Variants in CDH12 observed in about 807,000 individuals in gnomAD.
CDH12 encodes cadherin-12.
A neutral mutation model predicts 74.1 loss-of-function variants in CDH12; 41 were observed. The observed-to-expected ratio is 0.55, with a 90% CI of 0.43 to 0.72. The LOEUF is 0.72. Ranked by LOEUF, CDH12 falls within the 30% of genes least tolerant of loss-of-function variation. The pLI is 0.00. For synonymous variants in CDH12, 399 were observed against 355.0 expected, an observed-to-expected ratio of 1.12 and a Z score of -1.39; for missense variants, 945 against 977.2, an observed-to-expected ratio of 0.97 and a Z score of 0.44.
intron 6 of CDH12, among the ~76,000 whole-genome samples, chr5:21,917,329 G>A (rs1191899347): frequency 6.6e-6 from 1 of 152,178 alleles, no homozygotes; most frequent in Non-Finnish European, 1.5e-5. Flanking sequence ...GGGATGTCAT[G>A]TTTAGGGTGT....
chr5:21,873,595 T>C (rs966054593), intron 6 of CDH12, among the ~76,000 whole-genome samples: 1 of 152,156 alleles, frequency 6.6e-6, no homozygotes, highest in East Asian at 2.0e-4. Flanking sequence ...TTTGAAACCA[T>C]AAATCCTCTT....
chr5:22,126,069 T>A (rs1343760896), intron 4 of CDH12, among the ~76,000 whole-genome samples: 14 of 152,020 alleles, frequency 9.2e-5, no homozygotes, highest in African/African-American at 2.9e-4. Flanking sequence ...ATTAACTTTT[T>A]GTGTAAAACA....
chr5:22,065,366 G>A (rs1741481567), intron 5 of CDH12, among the ~76,000 whole-genome samples: 2 of 152,198 alleles, frequency 1.3e-5, no homozygotes, highest in African/African-American at 4.8e-5. Context: ...CACAAAGTTA[G>A]ATTGGCGGAA....
chr5:22,068,622 T>G (rs915959804), intron 5 of CDH12, among the ~76,000 whole-genome samples: 1 of 152,162 alleles, frequency 6.6e-6, no homozygotes, highest in Non-Finnish European at 1.5e-5. Flanking sequence ...GACAAAGAGT[T>G]CTGGGGAAGA....
chr5:22,276,107 T>A (rs1048159332), intron 3 of CDH12, among the ~76,000 whole-genome samples: 2 of 152,216 alleles, frequency 1.3e-5, no homozygotes, highest in Non-Finnish European at 2.9e-5. Flanking sequence ...ATTATATAGT[T>A]AATTGATGCC....
At chr5:22,105,220 T>C (rs890516234) in intron 4 of CDH12, among the ~76,000 whole-genome samples, 5 of 151,698 alleles carry the variant, frequency 3.3e-5, no homozygotes, top group Non-Finnish European at 7.4e-5. Context: ...GCCTCCCGAG[T>C]AACTGGGATT....
Position 21,928,682 on chromosome 5 carries a change from T to C in CDH12, c.526+46409A>G, listed in dbSNP as rs1197889043. Reference sequence around the variant, plus strand: ...TTTTTTTTTAATTTTGTATTTTTTGTATACTAGTTATTAATTGAGCTTTGC... The same window carrying C: ...TTTTTTTTTAATTTTGTATTTTTTGCATACTAGTTATTAATTGAGCTTTGC... On this transcript the variant is annotated intron_variant, in intron 6 of 14. Coordinates refer to ENST00000382254, the MANE Select transcript of CDH12 (RefSeq NM_004061.5). 2.0e-5 allele frequency among the ~76,000 whole-genome samples: 3 copies of C among 152,202 alleles called. No individual in the cohort carries two copies. In the East Asian group the frequency reaches 5.8e-4, roughly 29 times the overall value.
intron 3 of CDH12, among the ~76,000 whole-genome samples, chr5:22,382,089 T>C (rs1741780389): frequency 6.8e-6 from 1 of 146,630 alleles, no homozygotes; most frequent in Non-Finnish European, 1.5e-5. Flanking sequence ...AATAGAAATA[T>C]GATATAAAAT....
intron 3 of CDH12, among the ~76,000 whole-genome samples, chr5:22,234,955 T>A (rs1479291138): frequency 6.6e-6 from 1 of 152,082 alleles, no homozygotes. Context: ...CACAATTCAA[T>A]TAAAAACCTG....
At chr5:22,183,234 T>C (rs1749743450) in intron 4 of CDH12, among the ~76,000 whole-genome samples, 1 of 150,800 alleles carries the variant, frequency 6.6e-6, no homozygotes, top group South Asian at 2.1e-4. Context: ...GTGAGAGACA[T>C]TCAAGGAGAG....
chr5:22,146,836 A>G (rs1351695921), intron 4 of CDH12, among the ~76,000 whole-genome samples: 3 of 152,126 alleles, frequency 2.0e-5, no homozygotes, highest in African/African-American at 7.2e-5. Context: ...CAGTTATATC[A>G]ACTTTACTTT....
intron 1 of CDH12, among the ~76,000 whole-genome samples, chr5:22,833,267 C>T (rs1290456289): frequency 6.6e-6 from 1 of 152,124 alleles, no homozygotes; most frequent in African/African-American, 2.4e-5. Context: ...AGCTCACTGG[C>T]TGGAGAAGAG....
chr5:22,384,191 T>C (rs982759305), intron 3 of CDH12, among the ~76,000 whole-genome samples: 4 of 152,142 alleles, frequency 2.6e-5, no homozygotes, highest in Admixed American at 1.3e-4. Context: ...CTGTAGTGCA[T>C]CTATCTAGCC....
chr5:21,949,449 C>CAAAA (rs201292632), intron 6 of CDH12, among the ~76,000 whole-genome samples: 2 of 83,764 alleles, frequency 2.4e-5, no homozygotes, highest in East Asian at 3.6e-4. Context: ...GACTCTGTCT[C>CAAAA]AAAAAAAAAA....
chr5:22,499,440 T>G (rs545045963), intron 2 of CDH12, among the ~76,000 whole-genome samples: 2 of 152,158 alleles, frequency 1.3e-5, no homozygotes, highest in Middle Eastern at 3.2e-3. Context: ...GTATCTACCT[T>G]CTCTAGAATG....
intron 2 of CDH12, among the ~76,000 whole-genome samples, chr5:22,455,420 A>G (rs1745222929): frequency 6.6e-6 from 1 of 152,184 alleles, no homozygotes; most frequent in Admixed American, 6.5e-5. Flanking sequence ...TTACCCGGGA[A>G]GGAAAGTTGT....
intron 1 of CDH12, among the ~76,000 whole-genome samples, chr5:22,599,205 CT>C (rs1287737070): frequency 2.0e-5 from 3 of 152,142 alleles, no homozygotes; most frequent in East Asian, 1.9e-4. Flanking sequence ...ATCCTGTCCC[CT>C]GATACAGAAA....
chr5:22,345,285 C>T (rs1360437457), intron 3 of CDH12, among the ~76,000 whole-genome samples: 1 of 151,968 alleles, frequency 6.6e-6, no homozygotes, highest in Non-Finnish European at 1.5e-5. Flanking sequence ...TTCTTTTTTA[C>T]AGAAAACACT....
chr5:22,803,845 T>A (rs534984570), intron 1 of CDH12, among the ~76,000 whole-genome samples: 94 of 152,276 alleles, frequency 6.2e-4, no homozygotes, highest in African/African-American at 2.2e-3. Context: ...CAAAACCCAA[T>A]CTGGGGTAGA....
Sources: gnomAD v4.1 joint callset for allele counts (sites outside exome capture counted in the v4.1 genomes callset) on GRCh38, gnomAD v4.1.1 for gene constraint, MANE v1.5 for transcripts, NCBI Gene and HGNC (gene_info 2026-07-23, HGNC 2026-07-21) for gene names.